Variants in XIRP2 observed in about 807,000 individuals in gnomAD.
The protein encoded by XIRP2 is xin actin binding repeat containing 2, also known as xin actin-binding repeat-containing protein 2.
XIRP2 carries 236 observed loss-of-function variants against 277.0 expected under a neutral mutation model. The ratio of observed to expected loss-of-function variants is 0.85; its 90% CI spans 0.77 to 0.95. XIRP2 has a LOEUF of 0.95. XIRP2 is among the 40% of genes least tolerant of loss of function. The pLI is 0.00. For synonymous variants in XIRP2, 1,490 were observed against 1,416.5 expected (o/e 1.05, Z -1.17); for missense variants, 4,640 against 4,157.5 (o/e 1.12, Z -3.19).
At chr2:166,979,851 T>C (rs964822491) in intron 2 of XIRP2, among the ~76,000 whole-genome samples, 16 of 151,930 alleles carry the variant, frequency 1.1e-4, no homozygotes, top group Non-Finnish European at 2.1e-4. Context: ...TCCTGCATCT[T>C]TTCTTGGTTT....
chr2:167,197,151 A>G (rs1693544339), intron 3 of XIRP2, among the ~76,000 whole-genome samples: 1 of 152,274 alleles, frequency 6.6e-6, no homozygotes, highest in African/African-American at 2.4e-5. Flanking sequence ...GAAGAGCTGA[A>G]TTTCTTTGTG....
intron 2 of XIRP2, among the ~76,000 whole-genome samples, chr2:167,061,435 TAGAG>T (rs1689171819): frequency 6.6e-6 from 1 of 152,282 alleles, no homozygotes; most frequent in East Asian, 1.9e-4. Flanking sequence ...TTCCGCATCT[TAGAG>T]AGAAAGCATT....
intron 2 of XIRP2, among the ~76,000 whole-genome samples, chr2:166,972,534 C>A (rs1026080732): frequency 6.6e-6 from 1 of 152,042 alleles, no homozygotes; most frequent in African/African-American, 2.4e-5. Flanking sequence ...AAAATGGACC[C>A]TGGGGAGGCA....
At chr2:167,188,416 G>T (rs769812637) in intron 3 of XIRP2, among the ~76,000 whole-genome samples, 8 of 152,118 alleles carry the variant, frequency 5.3e-5, no homozygotes, top group Non-Finnish European at 1.2e-4. Context: ...TGAACCAAAA[G>T]ATATTTTATT....
chr2:166,941,227 T>TGTGGGACTGTCCAAGCCATGC (rs1685704718), intron 2 of XIRP2, among the ~76,000 whole-genome samples: 1 of 152,178 alleles, frequency 6.6e-6, no homozygotes, highest in Admixed American at 6.5e-5. Context: ...GCTTCATGAC[T>TGTGGGACTGTCCAAGCCATGC]GTGGGACTGT....
chr2:166,940,334 G>A (rs1685668872), intron 2 of XIRP2, among the ~76,000 whole-genome samples: 1 of 152,120 alleles, frequency 6.6e-6, no homozygotes, highest in Admixed American at 6.5e-5. Flanking sequence ...GGTTATTCTA[G>A]TTAGCCATTC....
intron 2 of XIRP2, among the ~76,000 whole-genome samples, chr2:166,972,125 A>G (rs1194143156): frequency 6.6e-6 from 1 of 152,092 alleles, no homozygotes; most frequent in Non-Finnish European, 1.5e-5. Context: ...AGGAAAAAGA[A>G]GAGAACAGAG....
intron 2 of XIRP2, among the ~76,000 whole-genome samples, chr2:166,945,523 C>T (rs918340911): frequency 6.6e-5 from 10 of 151,804 alleles, no homozygotes; most frequent in African/African-American, 1.9e-4. Context: ...AGTAACGTAT[C>T]GGAAAGACAG....
chr2:167,164,605 C>A (rs1469010864), intron 3 of XIRP2, among the ~76,000 whole-genome samples: 1 of 152,080 alleles, frequency 6.6e-6, no homozygotes, highest in East Asian at 1.9e-4. Flanking sequence ...TGTATCTTCT[C>A]TTTTACTGGC....
At chr2:166,907,971 T>C (rs2105341642) in intron 2 of XIRP2, among the ~76,000 whole-genome samples, 2 of 152,248 alleles carry the variant, frequency 1.3e-5, no homozygotes, top group Non-Finnish European at 2.9e-5. Flanking sequence ...TGCATAGTAT[T>C]CCATGGTGTA....
At chr2:167,071,169 T>C (rs547643795) in intron 2 of XIRP2, among the ~76,000 whole-genome samples, 1 of 152,248 alleles carries the variant, frequency 6.6e-6, no homozygotes, top group African/African-American at 2.4e-5. Flanking sequence ...CTTCCTAGGG[T>C]AGGAGTCAGA....
chr2:166,891,469 T>C (rs1376832066), intron 1 of XIRP2, among the ~76,000 whole-genome samples: 1 of 152,164 alleles, frequency 6.6e-6, no homozygotes, highest in Non-Finnish European at 1.5e-5. Context: ...GTTAATGTAA[T>C]TGACAATATA....
intron 2 of XIRP2, among the ~76,000 whole-genome samples, chr2:167,018,942 AG>A (rs1687909409): frequency 6.6e-6 from 1 of 152,008 alleles, no homozygotes. Context: ...CCTGGAAGGC[AG>A]GGATTTTTTT....
In XIRP2 at chr2:167,251,648, T is replaced by G; in HGVS notation, c.10256T>G (p.Phe3419Cys). Residue 3419 changes from phenylalanine to cysteine, a missense_variant, in exon 9 of 11, where the codon TTC becomes TGC. Phe to Cys is a radical substitution (Grantham distance 205). Transcript: ENST00000409195. ...GAAACCAGGTCTCTAAGTGAACATTTCTCAGGCATGGATGCATTTGAGAGT... is the reference window on the plus strand; with the variant it reads ...GAAACCAGGTCTCTAAGTGAACATTGCTCAGGCATGGATGCATTTGAGAGT... ...CSETRSLSEH[F>C]SGMDAFESQI... 6.2e-7 allele frequency: 1 copy of G among 1,613,482 alleles called. No individual in the cohort carries two copies. The highest frequency in any genetic ancestry group is 8.5e-7 in the Non-Finnish European group (1 of 1,179,650).
chr2:167,037,657 T>C (rs1284648744), intron 2 of XIRP2, among the ~76,000 whole-genome samples: 1 of 151,950 alleles, frequency 6.6e-6, no homozygotes. Context: ...CAGGCTAGGG[T>C]ATATTTTTAA....
chr2:167,229,482 A>G (rs1012728974), intron 5 of XIRP2, among the ~76,000 whole-genome samples: 7 of 152,146 alleles, frequency 4.6e-5, no homozygotes, highest in African/African-American at 1.7e-4. Flanking sequence ...TTATAGACTC[A>G]TTATGCTTGT....
chr2:166,994,424 A>G (rs1262256812), intron 2 of XIRP2, among the ~76,000 whole-genome samples: 2 of 134,572 alleles, frequency 1.5e-5, no homozygotes, highest in Non-Finnish European at 1.6e-5. Context: ...ACATGTATAC[A>G]TATGTAACTA....
At chr2:167,169,761 C>T (rs73021992) in intron 3 of XIRP2, among the ~76,000 whole-genome samples, 15,043 of 152,038 alleles carry the variant, frequency 0.099, 797 homozygotes, top group South Asian at 0.16. Flanking sequence ...TATTGTATAC[C>T]TTGTGAGCTT....
At chr2:167,190,113 C>T (rs894425562) in intron 3 of XIRP2, among the ~76,000 whole-genome samples, 3 of 152,206 alleles carry the variant, frequency 2.0e-5, no homozygotes, top group Admixed American at 6.5e-5. Flanking sequence ...AAGCACACAG[C>T]TTCCTTGCTT....
Sources: gnomAD v4.1 joint callset for allele counts (sites outside exome capture counted in the v4.1 genomes callset) on GRCh38, gnomAD v4.1.1 for gene constraint, MANE v1.5 for transcripts, NCBI Gene and HGNC (gene_info 2026-07-23, HGNC 2026-07-21) for gene names.